ADAMTS18: variants seen among roughly 807,000 people sequenced by gnomAD.
ADAMTS18 encodes the protein A disintegrin and metalloproteinase with thrombospondin motifs 18.
ADAMTS18 carries 157 observed loss-of-function variants against 165.9 expected under a neutral mutation model. The ratio of observed to expected loss-of-function variants is 0.95; its 90% CI spans 0.83 to 1.08. The LOEUF (loss-of-function observed/expected upper bound fraction) is 1.08, where lower values mean the gene tolerates loss of function less well. Among genes scored for constraint, ADAMTS18 ranks in the 50% least tolerant of loss-of-function variants. The probability of loss-of-function intolerance (pLI) is 0.00; values close to 1 mark genes in which losing one functional copy is unlikely to be tolerated. For missense variants in ADAMTS18, 2,040 were observed against 1,534.0 expected (o/e 1.33, Z -5.51); for synonymous variants, 782 against 578.2 (o/e 1.35, Z -5.06).
At chr16:77,343,836 T>C (rs113002279) in intron 10 of ADAMTS18, among the ~76,000 whole-genome samples, 65 of 152,292 alleles carry the variant, frequency 4.3e-4, no homozygotes, top group African/African-American at 1.5e-3. Flanking sequence ...AGTGACCCCA[T>C]TTTGGTGGGC....
At chr16:77,421,340 G>C (rs1418939570) in intron 3 of ADAMTS18, among the ~76,000 whole-genome samples, 1 of 152,196 alleles carries the variant, frequency 6.6e-6, no homozygotes, top group African/African-American at 2.4e-5. Flanking sequence ...GGGCTTTCAT[G>C]GGAAAAACTT....
At chr16:77,370,445 T>C (rs1007146766) in intron 3 of ADAMTS18, among the ~76,000 whole-genome samples, 1 of 152,054 alleles carries the variant, frequency 6.6e-6, no homozygotes, top group Non-Finnish European at 1.5e-5. Flanking sequence ...CAGTGAGCTA[T>C]CTGAAAAAGA....
At chr16:77,374,395 A>G (rs2056920696) in intron 3 of ADAMTS18, among the ~76,000 whole-genome samples, 1 of 152,090 alleles carries the variant, frequency 6.6e-6, no homozygotes, top group African/African-American at 2.4e-5. Flanking sequence ...ATTCAGTGCA[A>G]TACCTTAACC....
chr16:77,306,840 GC>G (rs1367216825), intron 16 of ADAMTS18, among the ~76,000 whole-genome samples: 2 of 152,174 alleles, frequency 1.3e-5, no homozygotes, highest in Admixed American at 1.3e-4. Context: ...AAGTCACATA[GC>G]TAATAAGTCA....
intron 12 of ADAMTS18, among the ~76,000 whole-genome samples, chr16:77,327,633 G>T (rs1286474507): frequency 6.6e-6 from 1 of 152,152 alleles, no homozygotes; most frequent in Non-Finnish European, 1.5e-5. Flanking sequence ...CTAACTGAAG[G>T]GATATTCCTG....
chr16:77,292,549 C>T (rs1469349133), intron 20 of ADAMTS18, among the ~76,000 whole-genome samples: 3 of 152,192 alleles, frequency 2.0e-5, no homozygotes, highest in East Asian at 3.9e-4. Flanking sequence ...TCCCAAAGAC[C>T]GGCTTGGGTG....
In ADAMTS18 at chr16:77,367,591, T is replaced by G; in HGVS notation, c.628A>C (p.Lys210Gln). 1 of 1,614,200 alleles carries G rather than the reference T, an allele frequency of 6.2e-7. No homozygotes were observed. Among genetic ancestry groups the G allele is most frequent in the Non-Finnish European group, 8.5e-7 (1 of 1,180,022 alleles). ...HVLYKRTAEE[K>Q]IQRYRGYPGS... is the part of the protein sequence containing the mutation. ...GGGTAGCCACGGTACCGCTGGATCT[T>G]CTCCTCTGCTGTCCTTTTGTACAGT... The change falls in exon 4 of 23, where the codon AAG becomes CAG. Residue 210 changes from lysine (K) to glutamine (Q), a missense_variant. Physicochemically the swap from Lys to Gln is moderately conservative, Grantham distance 53. Transcript: ENST00000282849.
intron 6 of ADAMTS18, among the ~76,000 whole-genome samples, chr16:77,362,902 T>G (rs1054654490): frequency 1.3e-5 from 2 of 152,210 alleles, no homozygotes; most frequent in African/African-American, 4.8e-5. Context: ...AACCTATTAG[T>G]AGGCTAAAGA....
At chr16:77,289,545 T>A (rs2055323518) in intron 21 of ADAMTS18, 134 bp from the exon 22 acceptor site, 1 of 1,018,956 alleles carries the variant, frequency 9.8e-7, no homozygotes, top group Non-Finnish European at 1.5e-6. Flanking sequence ...GCCAGGCACA[T>A]GTGCTTACAG....
At chr16:77,418,889 G>A (rs142360613) in intron 3 of ADAMTS18, among the ~76,000 whole-genome samples, 61 of 152,286 alleles carry the variant, frequency 4.0e-4, no homozygotes, top group African/African-American at 1.3e-3. Flanking sequence ...GGCAGCTCAC[G>A]CCTGTAATCC....
intron 12 of ADAMTS18, among the ~76,000 whole-genome samples, chr16:77,334,924 GTATA>G (rs956575882): frequency 2.9e-5 from 4 of 136,712 alleles, no homozygotes; most frequent in African/African-American, 8.1e-5. Context: ...ATAGTATATA[GTATA>G]TATACTGTAT....
At chr16:77,373,494 G>T (rs2056906325) in intron 3 of ADAMTS18, among the ~76,000 whole-genome samples, 1 of 150,670 alleles carries the variant, frequency 6.6e-6, no homozygotes, top group South Asian at 2.1e-4. Context: ...GAAAAGAAAA[G>T]AAAAAAAAGT....
chr16:77,405,077 G>C (rs761423558), intron 3 of ADAMTS18, among the ~76,000 whole-genome samples: 7 of 152,294 alleles, frequency 4.6e-5, no homozygotes, highest in South Asian at 4.1e-4. Context: ...GATCAGCTCT[G>C]ACTAAAGGTG....
In ADAMTS18 at chr16:77,329,742, A is replaced by G. The variant is rs74990865; in HGVS notation, c.1860-3704T>C. On this transcript the variant is annotated intron_variant, in intron 12 of 22. Transcript: ENST00000282849. ...GGCCATTTCCATAAAAATATAGGCA[A>G]TATTTTTCTGCAGCTTTGAACATAA... 5.1e-4 allele frequency among the ~76,000 whole-genome samples: 78 copies of G among 152,284 alleles called. No homozygotes were observed. The East Asian group carries it at 0.014, about 26-fold the overall frequency.
intron 3 of ADAMTS18, among the ~76,000 whole-genome samples, chr16:77,421,195 C>T (rs1056415670): frequency 1.3e-5 from 2 of 152,186 alleles, no homozygotes; most frequent in African/African-American, 2.4e-5. Context: ...CAGCTGAAAA[C>T]GAAATCCTTA....
chr16:77,308,788 C>T (rs55825442), intron 16 of ADAMTS18, among the ~76,000 whole-genome samples: 7,927 of 152,226 alleles, frequency 0.052, 559 homozygotes, highest in African/African-American at 0.16. Context: ...TTCAGATGAA[C>T]TGTCAACAAA....
At chr16:77,397,263 A>G (rs777151577) in intron 3 of ADAMTS18, among the ~76,000 whole-genome samples, 1 of 152,242 alleles carries the variant, frequency 6.6e-6, no homozygotes, top group Admixed American at 6.5e-5. Context: ...ATTTATTCCT[A>G]CATAAGTGAA....
At chr16:77,410,288 A>AT (rs1373502784) in intron 3 of ADAMTS18, among the ~76,000 whole-genome samples, 4 of 112,230 alleles carry the variant, frequency 3.6e-5, no homozygotes, top group Non-Finnish European at 8.3e-5. Flanking sequence ...TGCAACCCAA[A>AT]TTTGAAAAAA....
At chr16:77,324,279 T>C (rs916405002) in intron 13 of ADAMTS18, among the ~76,000 whole-genome samples, 16 of 152,230 alleles carry the variant, frequency 1.1e-4, no homozygotes, top group Admixed American at 6.5e-4. Context: ...AAGTCTGGAA[T>C]AGGAAGCAAC....
Sources: allele counts gnomAD v4.1 joint callset (sites outside exome capture counted in the v4.1 genomes callset), GRCh38; gene constraint gnomAD v4.1.1; transcripts MANE v1.5; gene names NCBI Gene and HGNC (gene_info 2026-07-23, HGNC 2026-07-21).